Variants in RYK observed in about 807,000 individuals in gnomAD.
RYK encodes the protein receptor like tyrosine kinase, also known as inactive tyrosine-protein kinase RYK.
Under a neutral mutation model 70.2 loss-of-function variants are expected in RYK, and 21 were observed. The ratio of observed to expected loss-of-function variants is 0.30; its 90% CI spans 0.21 to 0.43. The LOEUF (loss-of-function observed/expected upper bound fraction) is 0.43. Ranked by LOEUF, RYK falls within the 20% of genes least tolerant of loss-of-function variation. The probability of loss-of-function intolerance (pLI) is 1.00; values close to 1 mark genes in which losing one functional copy is unlikely to be tolerated. For synonymous variants in RYK, 267 were observed against 278.0 expected, an observed-to-expected ratio of 0.96 and a Z score of 0.39; for missense variants, 604 against 753.3, an observed-to-expected ratio of 0.80 and a Z score of 2.32.
chr3:134,162,164 G>A (rs116083850), intron 13 of RYK, among the ~76,000 whole-genome samples: 3,537 of 151,534 alleles, frequency 0.023, 134 homozygotes, highest in African/African-American at 0.081. Context: ...TCATCTTAAC[G>A]TTACATCTGC....
chr3:134,168,179 TA>T (rs780704677), intron 13 of RYK, among the ~76,000 whole-genome samples: 31 of 152,348 alleles, frequency 2.0e-4, no homozygotes, highest in Non-Finnish European at 3.4e-4. Context: ...GGTGGGACTG[TA>T]AACTAGTTCA....
At chr3:134,185,902 C>T (rs151199767) in intron 9 of RYK, among the ~76,000 whole-genome samples, 1 of 152,058 alleles carries the variant, frequency 6.6e-6, no homozygotes, top group Admixed American at 6.6e-5. Flanking sequence ...TCTAAGAAAA[C>T]TCAATTAAAG....
chr3:134,234,697 A>G (rs1216000626), intron 1 of RYK, among the ~76,000 whole-genome samples: 1 of 152,148 alleles, frequency 6.6e-6, no homozygotes, highest in Non-Finnish European at 1.5e-5. Flanking sequence ...TTCTTCCCAA[A>G]AAGTTTCTCT....
At chr3:134,239,662 T>C (rs2015274780) in intron 1 of RYK, among the ~76,000 whole-genome samples, 1 of 152,206 alleles carries the variant, frequency 6.6e-6, no homozygotes, top group African/African-American at 2.4e-5. Context: ...TGTTTACTCA[T>C]TTGTTCCACT....
At chr3:134,180,483 T>C (rs2013259664) in intron 10 of RYK, 1 of 152,194 alleles carries the variant, frequency 6.6e-6, no homozygotes, top group Admixed American at 6.5e-5. Flanking sequence ...AGGTGTCTTT[T>C]CTTGCTGAAT....
intron 7 of RYK, 39 bp downstream of exon 7, chr3:134,195,043 A>C (rs1358826148): frequency 7.1e-7 from 1 of 1,401,388 alleles, no homozygotes; most frequent in Non-Finnish European, 1.0e-6. Context: ...AGCATAGACA[A>C]CTTGAGTAAA....
rs183311663 is a variant in RYK at position 134,160,992 on chromosome 3, T to C, written c.1576-1619A>G. Among the ~76,000 whole-genome samples the C allele has an allele frequency of 3.2e-4, 49 of 152,350 alleles. No homozygotes were observed. In the East Asian group the frequency reaches 5.2e-3, roughly 16 times the overall value. On this transcript the variant is annotated intron_variant, in intron 13 of 14. Coordinates refer to ENST00000623711, the MANE Select transcript of RYK (RefSeq NM_002958.4). ...CTATGTTTCCAGCAGACCTGTAAGATGTATGAAAGCAGTTCTTCATGTGGA... is the reference window on the plus strand; with the variant it reads ...CTATGTTTCCAGCAGACCTGTAAGACGTATGAAAGCAGTTCTTCATGTGGA...
intron 6 of RYK, among the ~76,000 whole-genome samples, chr3:134,199,841 G>T (rs1238997573): frequency 6.6e-6 from 1 of 152,054 alleles, no homozygotes; most frequent in African/African-American, 2.4e-5. Context: ...CTAGCTAAAG[G>T]ATTGTAAATG....
chr3:134,178,780 A>G (rs1421501141), intron 10 of RYK: 2 of 152,156 alleles, frequency 1.3e-5, no homozygotes, highest in African/African-American at 4.8e-5. Context: ...ATTTCATCCT[A>G]CTGTCTAATA....
rs544816709 is a variant in RYK, at chr3:134,189,490, G to A, written c.1016-567C>T. On this transcript the variant is annotated intron_variant, in intron 8 of 14. Transcript: ENST00000623711. ...CTCTTAGAGTGAGAAGAGGCTGCGC[G>A]CGGCTCACGCCTGTAATCCCAGCAC... Among the ~76,000 whole-genome samples the A allele has an allele frequency of 5.3e-5, 8 of 152,182 alleles. No individual in the cohort carries two copies. The South Asian group carries it at 6.2e-4, about 12-fold the overall frequency.
chr3:134,202,832 A>G lies in RYK; in HGVS notation c.686T>C (p.Phe229Ser). Residue 229 changes from phenylalanine to serine, a missense_variant, in exon 6 of 15, where the codon TTT (phenylalanine) becomes TCT (serine). This residue lies in a region of RYK where 466 missense variants were observed against 535.9 expected (regional missense o/e 0.87). Coordinates refer to ENST00000623711, the MANE Select transcript of RYK (RefSeq NM_002958.4). ...ACAACAAACCCCTACACTAATATAA[A>G]ACACACGCGTAGAAGTGGTTGGAGC... ...HAAPTTSTRV[F>S]YISVGVCCAV... The G allele has an allele frequency of 6.2e-7, 1 of 1,613,778 alleles. No individual in the cohort carries two copies. Among genetic ancestry groups the G allele is most frequent in the Non-Finnish European group, 8.5e-7 (1 of 1,179,748 alleles).
At chr3:134,243,581 A>C (rs2015377847) in intron 1 of RYK, among the ~76,000 whole-genome samples, 1 of 152,078 alleles carries the variant, frequency 6.6e-6, no homozygotes, top group African/African-American at 2.4e-5. Context: ...TGGCTTTGCT[A>C]ATTTTTCACC....
chr3:134,192,379 C>A (rs537260609), intron 7 of RYK, among the ~76,000 whole-genome samples: 1 of 151,350 alleles, frequency 6.6e-6, no homozygotes, highest in Non-Finnish European at 1.5e-5. Context: ...CAAATGAAGA[C>A]ATGTTTGAAA....
intron 9 of RYK, among the ~76,000 whole-genome samples, chr3:134,184,628 G>A (rs1282905647): frequency 6.6e-6 from 1 of 151,922 alleles, no homozygotes; most frequent in African/African-American, 2.4e-5. Flanking sequence ...AGTTGGACCT[G>A]GTGGTGCACA....
chr3:134,217,985 T>C (rs923173298), intron 2 of RYK, among the ~76,000 whole-genome samples: 3 of 152,224 alleles, frequency 2.0e-5, no homozygotes, highest in African/African-American at 7.2e-5. Flanking sequence ...CATATTTCCT[T>C]AGTTTTTTAC....
chr3:134,173,206 A>G (rs2012980780), intron 13 of RYK, among the ~76,000 whole-genome samples: 1 of 151,948 alleles, frequency 6.6e-6, no homozygotes, highest in African/African-American at 2.4e-5. Flanking sequence ...GCATGAACCC[A>G]GGAGGCGGAG....
chr3:134,226,025 C>T (rs1351179147), intron 1 of RYK, among the ~76,000 whole-genome samples: 1 of 151,860 alleles, frequency 6.6e-6, no homozygotes, highest in South Asian at 2.1e-4. Flanking sequence ...AGATTCAAAC[C>T]AAAATCATAC....
At chr3:134,219,485 C>A (rs1197039277) in intron 2 of RYK, among the ~76,000 whole-genome samples, 1 of 152,146 alleles carries the variant, frequency 6.6e-6, no homozygotes, top group Admixed American at 6.5e-5. Context: ...TAAGTGTGCC[C>A]AGAAATATTC....
At chr3:134,229,664 G>C (rs1305584196) in intron 1 of RYK, among the ~76,000 whole-genome samples, 2 of 152,064 alleles carry the variant, frequency 1.3e-5, no homozygotes, top group East Asian at 3.8e-4. Context: ...GGGGAAGGGA[G>C]AGATGTTGGT....
Sources: gnomAD v4.1 joint callset for allele counts (sites outside exome capture counted in the v4.1 genomes callset) on GRCh38, gnomAD v4.1.1 for gene constraint, gnomAD v4.1.1 regional missense constraint, MANE v1.5 for transcripts, NCBI Gene and HGNC (gene_info 2026-07-23, HGNC 2026-07-21) for gene names.